The following PAPSS2 variants were observed in gnomAD, a reference collection of about 807,000 sequenced individuals.
The protein encoded by PAPSS2 is bifunctional 3'-phosphoadenosine 5'-phosphosulfate synthase 2.
PAPSS2 carries 61 observed loss-of-function variants against 66.5 expected under a neutral mutation model. The observed-to-expected ratio is 0.92, with a 90% CI of 0.75 to 1.14. The LOEUF (loss-of-function observed/expected upper bound fraction) is 1.14. Among genes scored for constraint, PAPSS2 ranks in the 50% most tolerant of loss-of-function variants. The probability of loss-of-function intolerance (pLI) is 0.00; values close to 1 mark genes in which losing one functional copy is unlikely to be tolerated. For synonymous variants in PAPSS2, 289 were observed against 287.5 expected (o/e 1.01, Z -0.05); for missense variants, 708 against 789.6 (o/e 0.90, Z 1.24).
intron 4 of PAPSS2, 133 bp downstream of exon 4, chr10:87,714,315 CA>C: frequency 1.1e-6 from 1 of 911,458 alleles, no homozygotes; most frequent in South Asian, 1.4e-5. Flanking sequence ...AACTTTTTAT[CA>C]GATCATGATA....
At position 87,682,741 on chromosome 10, in the gene PAPSS2, C is replaced by T. The variant is rs573593214; in HGVS notation, c.27+22733C>T. Reference sequence around the variant, plus strand: ...ACATAAGGTCCAGGTGGCCGCAATGCTTTCCTTTTATCCCTTCCTACATAG... The same window carrying T: ...ACATAAGGTCCAGGTGGCCGCAATGTTTTCCTTTTATCCCTTCCTACATAG... On this transcript the variant is annotated intron_variant, in intron 1 of 12. Coordinates refer to ENST00000456849, the MANE Select transcript of PAPSS2 (RefSeq NM_001015880.2). 3.3e-5 allele frequency among the ~76,000 whole-genome samples: 5 copies of T among 152,272 alleles called. No homozygotes were observed. In the South Asian group the frequency reaches 1.0e-3, roughly 32 times the overall value.
At chr10:87,737,703 G>A (rs992609288) in intron 9 of PAPSS2, among the ~76,000 whole-genome samples, 3 of 152,078 alleles carry the variant, frequency 2.0e-5, no homozygotes, top group African/African-American at 7.2e-5. Context: ...CATGCTTGTA[G>A]TCCCAGCTAC....
At chr10:87,724,849 T>TACACACACACACACACACACAC (rs1468115844) in intron 8 of PAPSS2, among the ~76,000 whole-genome samples, 7 of 52,078 alleles carry the variant, frequency 1.3e-4, no homozygotes, top group South Asian at 9.4e-4. Flanking sequence ...AATCTCTGTC[T>TACACACACACACACACACACAC]ATACACACAC....
chr10:87,676,582 A>C (rs958502116), intron 1 of PAPSS2, among the ~76,000 whole-genome samples: 2 of 152,218 alleles, frequency 1.3e-5, no homozygotes, highest in East Asian at 3.8e-4. Flanking sequence ...ACACAAGCTA[A>C]TAGATTGCCT....
chr10:87,732,677 G>C (rs1853744327), intron 9 of PAPSS2, among the ~76,000 whole-genome samples: 2 of 152,152 alleles, frequency 1.3e-5, no homozygotes, highest in African/African-American at 2.4e-5. Context: ...TCACTTTATT[G>C]CAGTAGTCTG....
chr10:87,734,906 C>A (rs544504407), intron 9 of PAPSS2, among the ~76,000 whole-genome samples: 55 of 151,676 alleles, frequency 3.6e-4, no homozygotes, highest in African/African-American at 1.3e-3. Context: ...TAGTGCATTC[C>A]CTCATCTCCA....
rs375844359 is a variant in PAPSS2, at chr10:87,745,167, A to T, written c.1657A>T (p.Ile553Phe). The change falls in exon 12 of 13, where the codon ATT becomes TTT. Residue 553 changes from isoleucine to phenylalanine, a missense_variant. Physicochemically the swap from Ile to Phe is conservative, Grantham distance 21. Transcript: ENST00000456849. The part of the protein sequence containing the change: ...MAPGLTSVEI[I>F]PFRVAAYNKA... ...CCCTGGCCTCACCTCTGTGGAAATC[A>T]TTCCATTCCGAGTGGCTGCCTACAA... 1 of 1,614,016 alleles carries T rather than the reference A, an allele frequency of 6.2e-7. No homozygotes were observed. The highest frequency in any genetic ancestry group is 1.3e-5 in the African/African-American group (1 of 74,938).
At chr10:87,729,115 T>A (rs1328862422) in intron 9 of PAPSS2, among the ~76,000 whole-genome samples, 1 of 152,196 alleles carries the variant, frequency 6.6e-6, no homozygotes, top group Non-Finnish European at 1.5e-5. Context: ...CCTTTGGGAA[T>A]GATATTCGCA....
intron 1 of PAPSS2, among the ~76,000 whole-genome samples, chr10:87,677,770 A>G (rs1852967514): frequency 6.6e-6 from 1 of 152,218 alleles, no homozygotes; most frequent in African/African-American, 2.4e-5. Flanking sequence ...AGCATCCACT[A>G]TGTAAGATTT....
chr10:87,668,704 C>G (rs1412703729), intron 1 of PAPSS2, among the ~76,000 whole-genome samples: 2 of 150,152 alleles, frequency 1.3e-5, no homozygotes, highest in African/African-American at 4.9e-5. Flanking sequence ...AAAAATAATT[C>G]TAGTATTTTA....
At chr10:87,672,748 G>A (rs1031006214) in intron 1 of PAPSS2, among the ~76,000 whole-genome samples, 3 of 152,142 alleles carry the variant, frequency 2.0e-5, no homozygotes, top group African/African-American at 7.2e-5. Context: ...CGTAGACCAG[G>A]GGTTAGCAAA....
intron 8 of PAPSS2, among the ~76,000 whole-genome samples, chr10:87,724,695 CTATG>C (rs1207998864): frequency 6.8e-6 from 1 of 147,620 alleles, no homozygotes. Flanking sequence ...CCTTATCTCT[CTATG>C]TATTATACAT....
At chr10:87,728,568 C>T (rs141698751) in intron 9 of PAPSS2, among the ~76,000 whole-genome samples, 1,575 of 152,204 alleles carry the variant, frequency 0.01, 23 homozygotes, top group East Asian at 0.039. Context: ...GGTGAAACCC[C>T]GTCTCTACTA....
At chr10:87,744,456 C>T (rs1853911714) in intron 11 of PAPSS2, among the ~76,000 whole-genome samples, 2 of 152,210 alleles carry the variant, frequency 1.3e-5, no homozygotes, top group Admixed American at 1.3e-4. Context: ...ATGCCCCAAA[C>T]TGAGTTTAAT....
intron 1 of PAPSS2, among the ~76,000 whole-genome samples, chr10:87,702,007 T>C (rs1230943680): frequency 6.6e-6 from 1 of 152,236 alleles, no homozygotes; most frequent in Non-Finnish European, 1.5e-5. Flanking sequence ...AAATAGTTTA[T>C]AAGTTTTGAT....
chr10:87,735,572 A>G (rs1853787976), intron 9 of PAPSS2, among the ~76,000 whole-genome samples: 1 of 152,220 alleles, frequency 6.6e-6, no homozygotes. Context: ...CTGACTGAGC[A>G]CAGAGTTTAG....
intron 10 of PAPSS2, 93 bp from the exon 11 acceptor site, chr10:87,743,280 A>T: frequency 7.4e-7 from 1 of 1,351,884 alleles, no homozygotes; most frequent in Non-Finnish European, 1.1e-6. Flanking sequence ...ATGAATGCAC[A>T]GAACAATAAA....
chr10:87,688,616 C>T lies in PAPSS2; in HGVS notation c.28-20580C>T, dbSNP rs528735446. On this transcript the variant is annotated intron_variant, in intron 1 of 12. Transcript: ENST00000456849. ...CTGGGACTACAGGCGCCCGCCACCA[C>T]GCCTGGCTAATTTTTTTGTATTTTT... Among the ~76,000 whole-genome samples, 689 of 151,924 alleles carry T rather than the reference C, an allele frequency of 4.5e-3. 4 individuals are homozygous for T. Among genetic ancestry groups the T allele is most frequent in the African/African-American group, 0.016 (653 of 41,444 alleles).
intron 4 of PAPSS2, 114 bp from the exon 5 acceptor site, chr10:87,714,631 T>G: frequency 1.3e-6 from 1 of 777,926 alleles, no homozygotes; most frequent in Non-Finnish European, 2.3e-6. Context: ...ACCTTTTCTG[T>G]TAAAGTGTGA....
Sources: gnomAD v4.1 joint callset for allele counts (sites outside exome capture counted in the v4.1 genomes callset) on GRCh38, gnomAD v4.1.1 for gene constraint, MANE v1.5 for transcripts, NCBI Gene and HGNC (gene_info 2026-07-23, HGNC 2026-07-21) for gene names.